CHRNA7: variants seen among roughly 807,000 people sequenced by gnomAD.
The protein encoded by CHRNA7 is cholinergic receptor nicotinic alpha 7 subunit, also known as neuronal acetylcholine receptor subunit alpha-7.
CHRNA7 carries 17 observed loss-of-function variants against 48.0 expected under a neutral mutation model. That is an observed-to-expected ratio of 0.35 (90% CI 0.24 to 0.53). The LOEUF (loss-of-function observed/expected upper bound fraction) is 0.53. Among genes scored for constraint, CHRNA7 ranks in the 20% least tolerant of loss-of-function variants. The pLI, the probability that CHRNA7 is intolerant of heterozygous loss-of-function variation, is 0.92. For missense variants in CHRNA7, 155 were observed against 577.7 expected, an observed-to-expected ratio of 0.27 and a Z score of 7.50; for synonymous variants, 75 against 242.3, an observed-to-expected ratio of 0.31 and a Z score of 6.41.
At chr15:32,166,455 C>CTGCAATGAAACTGGTCT (rs1252513858) in intron 9 of CHRNA7, 1 of 152,318 alleles carries the variant, frequency 6.6e-6, no homozygotes, top group Non-Finnish European at 1.5e-5. Flanking sequence ...ATTTTTATAG[C>CTGCAATGAAACTGGTCT]TGCAATGAAA....
intron 2 of CHRNA7, among the ~76,000 whole-genome samples, chr15:32,052,952 CA>C (rs1295714831): frequency 6.6e-6 from 1 of 152,148 alleles, no homozygotes; most frequent in Non-Finnish European, 1.5e-5. Flanking sequence ...CATCATTACA[CA>C]TTGTCTGTGG....
At chr15:32,038,056 G>GTATATATATATATATATA (rs71424637) in intron 2 of CHRNA7, among the ~76,000 whole-genome samples, 1 of 144,216 alleles carries the variant, frequency 6.9e-6, no homozygotes, top group African/African-American at 2.5e-5. Context: ...TTTTGGATAT[G>GTATATATATATATATATA]TATATATATA....
chr15:32,031,615 C>T (rs896247970), intron 2 of CHRNA7, among the ~76,000 whole-genome samples: 2 of 152,176 alleles, frequency 1.3e-5, no homozygotes, highest in Admixed American at 1.3e-4. Flanking sequence ...GAGTCCTGCT[C>T]CGAGGACTCA....
chr15:32,105,493 AGAG>A (rs1157623754), intron 3 of CHRNA7, among the ~76,000 whole-genome samples: 2 of 139,884 alleles, frequency 1.4e-5, no homozygotes, highest in African/African-American at 2.8e-5. Context: ...AAGGAGGAGG[AGAG>A]GAGGAAAGGA....
In CHRNA7 at chr15:32,082,356, A is replaced by G. The variant is rs950220262; in HGVS notation, c.196-18947A>G. ...ATTATTAGATTTTTTTTGTAGTCCCATAAGTCTGACTTTTTTTTCAGTTTA... is the reference window on the plus strand; with the variant it reads ...ATTATTAGATTTTTTTTGTAGTCCCGTAAGTCTGACTTTTTTTTCAGTTTA... On this transcript the variant is annotated intron_variant, in intron 2 of 9. Coordinates refer to ENST00000306901, the MANE Select transcript of CHRNA7 (RefSeq NM_000746.6). Among the ~76,000 whole-genome samples the G allele has an allele frequency of 9.4e-4, 16 of 16,950 alleles. No individual in the cohort carries two copies. The Admixed American group carries it at 0.014, about 15-fold the overall frequency. 11.1% of individuals were successfully genotyped at this position (16,950 alleles called of 152,430 possible). A position where few individuals can be genotyped will look rare whatever the true frequency, so the allele number is the denominator to read the frequency against.
chr15:32,117,829 G>C (rs768355567), intron 4 of CHRNA7, among the ~76,000 whole-genome samples: 1 of 152,146 alleles, frequency 6.6e-6, no homozygotes, highest in Admixed American at 6.5e-5. Context: ...CAGCCTAACC[G>C]AGATTGGCCT....
intron 4 of CHRNA7, among the ~76,000 whole-genome samples, chr15:32,114,050 A>G (rs2050816740): frequency 3.7e-5 from 2 of 53,852 alleles, no homozygotes; most frequent in Non-Finnish European, 7.6e-5. Flanking sequence ...ATATGTATAT[A>G]TATATATATA....
At chr15:32,079,530 G>T (rs1489513794) in intron 2 of CHRNA7, among the ~76,000 whole-genome samples, 1 of 152,100 alleles carries the variant, frequency 6.6e-6, no homozygotes, top group African/African-American at 2.4e-5. Context: ...AATCATGAAT[G>T]AACTCCCATT....
chr15:32,058,638 TG>T (rs1459924902), intron 2 of CHRNA7, among the ~76,000 whole-genome samples: 1 of 152,180 alleles, frequency 6.6e-6, no homozygotes, highest in Admixed American at 6.5e-5. Flanking sequence ...TTGTTTGGAT[TG>T]GGAATGCTGT....
chr15:32,137,144 GT>G (rs1228214647), intron 4 of CHRNA7, among the ~76,000 whole-genome samples: 1 of 151,430 alleles, frequency 6.6e-6, no homozygotes, highest in African/African-American at 2.4e-5. Flanking sequence ...AAATATTACA[GT>G]AGACAAGATA....
chr15:32,142,047 G>A (rs1233722872), intron 4 of CHRNA7, among the ~76,000 whole-genome samples: 4 of 152,076 alleles, frequency 2.6e-5, no homozygotes, highest in Non-Finnish European at 5.9e-5. Context: ...TATGATATTG[G>A]CTGGGGGTTT....
chr15:32,035,993 G>A (rs900582610), intron 2 of CHRNA7, among the ~76,000 whole-genome samples: 1 of 152,110 alleles, frequency 6.6e-6, no homozygotes, highest in East Asian at 1.9e-4. Flanking sequence ...ATGGGTTTGG[G>A]CAAATGTATA....
At chr15:32,091,162 C>T (rs1247304559) in intron 2 of CHRNA7, among the ~76,000 whole-genome samples, 4 of 152,048 alleles carry the variant, frequency 2.6e-5, no homozygotes, top group African/African-American at 4.8e-5. Flanking sequence ...CATTTAATCA[C>T]GTTAAACATA....
At chr15:32,122,810 G>A (rs1014761522) in intron 4 of CHRNA7, among the ~76,000 whole-genome samples, 2 of 149,210 alleles carry the variant, frequency 1.3e-5, no homozygotes, top group Non-Finnish European at 3.0e-5. Flanking sequence ...TGAATAAAAA[G>A]AGACATATGT....
chr15:32,056,471 T>G (rs1217300614), intron 2 of CHRNA7, among the ~76,000 whole-genome samples: 1 of 152,240 alleles, frequency 6.6e-6, no homozygotes, highest in Non-Finnish European at 1.5e-5. Flanking sequence ...ATTGTTTAAC[T>G]GTATCACATT....
chr15:32,128,316 C>G (rs1483256531), intron 4 of CHRNA7, among the ~76,000 whole-genome samples: 1 of 151,872 alleles, frequency 6.6e-6, no homozygotes, highest in Non-Finnish European at 1.5e-5. Flanking sequence ...CTTTGTGTAT[C>G]CATATGTACA....
At chr15:32,094,296 T>C (rs2050430769) in intron 2 of CHRNA7, among the ~76,000 whole-genome samples, 2 of 152,206 alleles carry the variant, frequency 1.3e-5, no homozygotes, top group Admixed American at 1.3e-4. Flanking sequence ...AGAATAACCA[T>C]GAACCCACTG....
At chr15:32,132,226 A>G (rs1310996308) in intron 4 of CHRNA7, among the ~76,000 whole-genome samples, 3 of 152,048 alleles carry the variant, frequency 2.0e-5, no homozygotes, top group Non-Finnish European at 4.4e-5. Flanking sequence ...TTGGCGAGAG[A>G]GGGCAAGCTT....
chr15:32,043,730 G>A (rs1377666175), intron 2 of CHRNA7, among the ~76,000 whole-genome samples: 2 of 150,184 alleles, frequency 1.3e-5, no homozygotes, highest in Non-Finnish European at 3.0e-5. Context: ...GTCTTTTACA[G>A]TCAGTATTCT....
Sources: allele counts gnomAD v4.1 joint callset (sites outside exome capture counted in the v4.1 genomes callset), GRCh38; gene constraint gnomAD v4.1.1; transcripts MANE v1.5; gene names NCBI Gene and HGNC (gene_info 2026-07-23, HGNC 2026-07-21).